Variants in PLVAP observed in about 807,000 individuals in gnomAD.
PLVAP encodes the protein plasmalemma vesicle associated protein.
Under a neutral mutation model 43.1 loss-of-function variants are expected in PLVAP, and 34 were observed. The observed-to-expected ratio is 0.79, with a 90% CI of 0.60 to 1.05. The LOEUF (loss-of-function observed/expected upper bound fraction) is 1.05. PLVAP is among the 50% of genes least tolerant of loss of function. The pLI is 0.00. For synonymous variants in PLVAP, 241 were observed against 237.3 expected, an observed-to-expected ratio of 1.02 and a Z score of -0.14; for missense variants, 574 against 593.4, an observed-to-expected ratio of 0.97 and a Z score of 0.34.
chr19:17,376,487 G>A (rs1222054532), intron 1 of PLVAP, among the ~76,000 whole-genome samples: 2 of 151,142 alleles, frequency 1.3e-5, no homozygotes, highest in Non-Finnish European at 3.0e-5. Context: ...TGGAGACCCT[G>A]TCTCTTAAGG....
chr19:17,374,214 C>A (rs1185544076), intron 1 of PLVAP, among the ~76,000 whole-genome samples: 1 of 151,980 alleles, frequency 6.6e-6, no homozygotes, highest in Non-Finnish European at 1.5e-5. Context: ...CGCCTGTAAT[C>A]CCAGCACTTT....
chr19:17,365,906 G>A lies in PLVAP; in HGVS notation c.559C>T (p.Leu187=). Reference sequence around the variant, plus strand: ...TCCTCCGCCACGCGTTTGTTCAGCAGCACGCTTTCCTTATCCTTAGTGCAA... The same window carrying A: ...TCCTCCGCCACGCGTTTGTTCAGCAACACGCTTTCCTTATCCTTAGTGCAA... ...TICTKDKESV[L]LNKRVAEEQL... The change falls in exon 3 of 6, where the codon CTG becomes TTG. Residue 187 remains leucine (L), a synonymous_variant. Coordinates refer to ENST00000252590, the MANE Select transcript of PLVAP (RefSeq NM_031310.3). 1 of 1,614,034 alleles carries A rather than the reference G, an allele frequency of 6.2e-7. No homozygotes were observed. The highest frequency in any genetic ancestry group is 8.5e-7 in the Non-Finnish European group (1 of 1,180,032).
At chr19:17,366,454 A>G (rs1013224422) in intron 1 of PLVAP, among the ~76,000 whole-genome samples, 2 of 152,176 alleles carry the variant, frequency 1.3e-5, no homozygotes, top group East Asian at 1.9e-4. Context: ...TCCCATCTCA[A>G]TAAAACAAAC....
chr19:17,353,182 C>T (rs1412878801), intron 5 of PLVAP, among the ~76,000 whole-genome samples: 1 of 152,212 alleles, frequency 6.6e-6, no homozygotes, highest in Non-Finnish European at 1.5e-5. Context: ...TCCCTGGGGC[C>T]CGAGTGGCCT....
chr19:17,365,822 T>C lies in PLVAP; in HGVS notation c.643A>G (p.Lys215Glu). The change falls in exon 3 of 6, where the codon AAG becomes GAG. Residue 215 changes from lysine to glutamate, a missense_variant. Lys to Glu is a moderately conservative substitution (Grantham distance 56, BLOSUM62 1). Transcript: ENST00000252590. ...ELQHQERQLA[K>E]EQLQKVQALC... ...GCTTGCACCTTTTGCAGTTGCTCCT[T>C]GGCCAGCTGGCGCTCTTGGTGCTGC... is the stretch of plus-strand genomic sequence containing the variant. 1 of 1,614,154 alleles carries C rather than the reference T, an allele frequency of 6.2e-7. No homozygotes were observed. The highest frequency in any genetic ancestry group is 8.5e-7 in the Non-Finnish European group (1 of 1,180,022).
At chr19:17,359,523 A>C (rs147526583) in intron 5 of PLVAP, among the ~76,000 whole-genome samples, 4,593 of 151,474 alleles carry the variant, frequency 0.03, 136 homozygotes, top group East Asian at 0.091. Context: ...CTCCTGCCTC[A>C]GTCTCCCAAG....
At chr19:17,363,655 C>T (rs914396027) in intron 3 of PLVAP, among the ~76,000 whole-genome samples, 1 of 151,904 alleles carries the variant, frequency 6.6e-6, no homozygotes, top group Non-Finnish European at 1.5e-5. Context: ...TCACTGCAGC[C>T]TCAACCTCCT....
chr19:17,370,269 G>A (rs2074567201), intron 1 of PLVAP, among the ~76,000 whole-genome samples: 1 of 152,106 alleles, frequency 6.6e-6, no homozygotes, highest in South Asian at 2.1e-4. Context: ...TAGTTACCAC[G>A]TGACCCAGAA....
At position 17,366,212 on chromosome 19, in the gene PLVAP, G is replaced by C; in HGVS notation, c.370-17C>G. 6.2e-7 allele frequency: 1 copy of C among 1,612,950 alleles called. No individual in the cohort carries two copies. Among genetic ancestry groups the C allele is most frequent in the Non-Finnish European group, 8.5e-7 (1 of 1,179,192 alleles). On this transcript the variant is annotated splice_polypyrimidine_tract_variant and intron_variant, in intron 1 of 5. Coordinates refer to ENST00000252590, the MANE Select transcript of PLVAP (RefSeq NM_031310.3). ...GTAGATGACCTGCCCGGAAGATAGG[G>C]GAAGGACGCAGGACAGAGCTTAGTG...
chr19:17,358,429 C>T (rs566900296), intron 5 of PLVAP, among the ~76,000 whole-genome samples: 40 of 152,212 alleles, frequency 2.6e-4, no homozygotes, highest in Admixed American at 1.2e-3. Context: ...GCAAAATGGT[C>T]ATAGGCACAG....
chr19:17,351,978 A>C lies in PLVAP; in HGVS notation c.*384T>G, dbSNP rs1163055944. On this transcript the variant is annotated 3_prime_UTR_variant, in exon 6 of 6. Coordinates refer to ENST00000252590, the MANE Select transcript of PLVAP (RefSeq NM_031310.3). ...ATGTGTGACGTCGACATGGCCCGTG[A>C]CGTCGTTGCTGCATCTCGGTGTGAC... The C allele has an allele frequency of 3.4e-6, 1 of 298,380 alleles. No homozygotes were observed. The highest frequency in any genetic ancestry group is 6.3e-6 in the Non-Finnish European group (1 of 157,754). The allele number at this position is 298,380 out of a possible 1,614,324, so 18.5% of individuals were successfully genotyped here.
chr19:17,365,158 A>C, intron 3 of PLVAP, 128 bp downstream of exon 3: 1 of 747,538 alleles, frequency 1.3e-6, no homozygotes, highest in Non-Finnish European at 2.2e-6. Flanking sequence ...GATCCTAGAG[A>C]GTTGTAACTC....
At chr19:17,371,078 A>G (rs2074570356) in intron 1 of PLVAP, among the ~76,000 whole-genome samples, 1 of 151,786 alleles carries the variant, frequency 6.6e-6, no homozygotes, top group Admixed American at 6.6e-5. Context: ...CAAACAAACA[A>G]AAACATCAAA....
At chr19:17,372,622 A>G (rs2074577200) in intron 1 of PLVAP, among the ~76,000 whole-genome samples, 1 of 149,070 alleles carries the variant, frequency 6.7e-6, no homozygotes, top group Admixed American at 6.7e-5. Flanking sequence ...ACACCTGGCT[A>G]ATTTTTCGTA....
At chr19:17,369,191 T>A (rs2074561973) in intron 1 of PLVAP, among the ~76,000 whole-genome samples, 1 of 150,848 alleles carries the variant, frequency 6.6e-6, no homozygotes, top group South Asian at 2.1e-4. Flanking sequence ...TTTTTTTTTG[T>A]TGTTGTTTTT....
intron 3 of PLVAP, among the ~76,000 whole-genome samples, chr19:17,364,275 G>A (rs906684251): frequency 1.3e-5 from 2 of 151,910 alleles, no homozygotes; most frequent in Non-Finnish European, 2.9e-5. Flanking sequence ...TAGTAGAGGC[G>A]AGGTTTCACC....
intron 3 of PLVAP, 81 bp from the exon 4 acceptor site, chr19:17,360,913 T>A (rs1002475691): frequency 1.1e-5 from 14 of 1,230,080 alleles, no homozygotes; most frequent in Non-Finnish European, 1.5e-5. Context: ...CTTTTCTTTT[T>A]CTTTTTTTTT....
chr19:17,361,702 T>C (rs1396254246), intron 3 of PLVAP, among the ~76,000 whole-genome samples: 1 of 152,070 alleles, frequency 6.6e-6, no homozygotes, highest in Admixed American at 6.6e-5. Flanking sequence ...CAGTCCTAAT[T>C]ATAAACTGGA....
intron 3 of PLVAP, among the ~76,000 whole-genome samples, chr19:17,361,346 G>A (rs2074527742): frequency 6.6e-6 from 1 of 152,126 alleles, no homozygotes; most frequent in African/African-American, 2.4e-5. Context: ...CAAGACTTGG[G>A]GACACCACAA....
Sources: gnomAD v4.1 joint callset for allele counts (sites outside exome capture counted in the v4.1 genomes callset) on GRCh38, gnomAD v4.1.1 for gene constraint, MANE v1.5 for transcripts, NCBI Gene and HGNC (gene_info 2026-07-23, HGNC 2026-07-21) for gene names.